Variants in SRRM4 observed in about 807,000 individuals in gnomAD.
SRRM4 encodes serine/arginine repetitive matrix protein 4.
In SRRM4, 33 loss-of-function variants were observed where a neutral mutation model predicts 68.9. That is an observed-to-expected ratio of 0.48 (90% CI 0.36 to 0.64). SRRM4 has a LOEUF of 0.64. Among genes scored for constraint, SRRM4 ranks in the 30% least tolerant of loss-of-function variants. The probability of loss-of-function intolerance (pLI) is 0.00; values close to 1 mark genes in which losing one functional copy is unlikely to be tolerated. For synonymous variants in SRRM4, 318 were observed against 318.8 expected (o/e 1.00, Z 0.03); for missense variants, 817 against 827.1 (o/e 0.99, Z 0.15).
At chr12:119,106,666 C>T (rs1245341130) in intron 2 of SRRM4, among the ~76,000 whole-genome samples, 2 of 145,832 alleles carry the variant, frequency 1.4e-5, no homozygotes, top group Non-Finnish European at 3.0e-5. Flanking sequence ...TTTTGTATCC[C>T]GAGACTTTGC....
chr12:119,123,491 C>T (rs550388094), intron 6 of SRRM4, among the ~76,000 whole-genome samples: 21 of 105,508 alleles, frequency 2.0e-4, no homozygotes, highest in Non-Finnish European at 4.1e-4. Flanking sequence ...CAGACCTCAA[C>T]AGCGCTAGGA....
chr12:119,110,742 G>A (rs1396429844), intron 2 of SRRM4, among the ~76,000 whole-genome samples: 1 of 152,198 alleles, frequency 6.6e-6, no homozygotes, highest in African/African-American at 2.4e-5. Context: ...CCCTTGGCTA[G>A]GAAAGGGAAT....
chr12:119,056,123 T>G (rs1444055249), intron 1 of SRRM4, among the ~76,000 whole-genome samples: 2 of 152,140 alleles, frequency 1.3e-5, no homozygotes, highest in African/African-American at 2.4e-5. Flanking sequence ...TCAGCCTCCC[T>G]CCCACAAGGC....
rs1484760860 is a variant in SRRM4, at chr12:119,154,945, C to T, written c.1532+562C>T. Among the ~76,000 whole-genome samples the T allele has an allele frequency of 6.6e-6, 1 of 152,158 alleles. No individual in the cohort carries two copies. Among genetic ancestry groups the T allele is most frequent in the Non-Finnish European group, 1.5e-5 (1 of 68,026 alleles). On this transcript the variant is annotated intron_variant, in intron 12 of 12. Transcript: ENST00000267260. This position sits in a 1 kb window ranked among gnomAD's most constrained non-coding sequence, Gnocchi z 4.7. ...GCCACGGTGGATAAGCCGGAGAGCA[C>T]TGGATGTGGATTGGAATCCTGAATG...
intron 1 of SRRM4, among the ~76,000 whole-genome samples, chr12:119,082,261 T>TCTGTC (rs1953953353): frequency 1.3e-5 from 2 of 152,238 alleles, no homozygotes; most frequent in South Asian, 4.2e-4. Context: ...CTGTCCAGCC[T>TCTGTC]CTGTCCCTCC....
chr12:119,110,009 G>T (rs1451353957), intron 2 of SRRM4, among the ~76,000 whole-genome samples: 1 of 152,156 alleles, frequency 6.6e-6, no homozygotes. Flanking sequence ...GTTTTGGTGT[G>T]GATGTCCTTT....
At chr12:119,025,116 A>G (rs1324583449) in intron 1 of SRRM4, among the ~76,000 whole-genome samples, 1 of 152,050 alleles carries the variant, frequency 6.6e-6, no homozygotes, top group Non-Finnish European at 1.5e-5. Flanking sequence ...GGTGTGCATT[A>G]GGGTGTGTGT....
intron 7 of SRRM4, among the ~76,000 whole-genome samples, chr12:119,130,033 GTGGT>G (rs1410849239): frequency 1.4e-5 from 2 of 143,928 alleles, no homozygotes; most frequent in Non-Finnish European, 3.0e-5. Context: ...GGTTGGCTGA[GTGGT>G]TGGTTGGTTA....
intron 1 of SRRM4, among the ~76,000 whole-genome samples, chr12:119,084,143 G>A (rs988034193): frequency 6.6e-6 from 1 of 152,184 alleles, no homozygotes; most frequent in Admixed American, 6.5e-5. Flanking sequence ...GCAAGTCTGT[G>A]GCACAGCTGG....
intron 1 of SRRM4, among the ~76,000 whole-genome samples, chr12:119,021,318 C>T (rs1169001389): frequency 1.3e-5 from 2 of 152,018 alleles, no homozygotes; most frequent in Non-Finnish European, 2.9e-5. Context: ...AGAGATGAAA[C>T]CTGTAGTTCA....
rs571408001 is a variant in SRRM4 at position 119,161,613 on chromosome 12, C to T, written c.*4815C>T. On this transcript the variant is annotated 3_prime_UTR_variant, in exon 13 of 13. Coordinates refer to ENST00000267260, the MANE Select transcript of SRRM4 (RefSeq NM_194286.4). Reference sequence around the variant, plus strand: ...AGTAATATTGGGAAAAGAGAAGGACCACCTCTTTCCCTGAATTGCTATTGA... The same window carrying T: ...AGTAATATTGGGAAAAGAGAAGGACTACCTCTTTCCCTGAATTGCTATTGA... 6.6e-6 allele frequency: 1 copy of T among 152,246 alleles called. No individual in the cohort carries two copies. Among genetic ancestry groups the T allele is most frequent in the African/African-American group, 2.4e-5 (1 of 41,378 alleles). The allele number at this position is 152,246 out of a possible 1,614,324, so 9.4% of individuals were successfully genotyped here.
intron 1 of SRRM4, among the ~76,000 whole-genome samples, chr12:119,083,281 C>A (rs1295339331): frequency 1.3e-5 from 2 of 151,982 alleles, no homozygotes; most frequent in Non-Finnish European, 2.9e-5. Context: ...GGTCATGGAG[C>A]ATTTTCATTT....
chr12:119,136,494 G>T (rs1372343938), intron 8 of SRRM4, among the ~76,000 whole-genome samples: 1 of 151,348 alleles, frequency 6.6e-6, no homozygotes, highest in Non-Finnish European at 1.5e-5. Flanking sequence ...GTTTTGTTTT[G>T]TTTAATGGGA....
intron 2 of SRRM4, among the ~76,000 whole-genome samples, chr12:119,105,773 C>T (rs1209644004): frequency 6.6e-6 from 1 of 152,128 alleles, no homozygotes; most frequent in East Asian, 1.9e-4. Context: ...CTGCAGGTTG[C>T]CTGTTCACTC....
chr12:119,088,937 T>C (rs73408072), intron 1 of SRRM4, among the ~76,000 whole-genome samples: 7,280 of 152,274 alleles, frequency 0.048, 375 homozygotes, highest in African/African-American at 0.13. Context: ...GCGTGCATCA[T>C]CTCCAGGAGC....
rs146114563 is a variant in SRRM4, at chr12:119,161,261, A to G, written c.*4463A>G. The stretch of plus-strand genomic sequence containing the variant: ...TTAGCTGAACAGAAAATTTTGTCTC[A>G]GTAAAACGAAGTCAAAAAACAGGAT... On this transcript the variant is annotated 3_prime_UTR_variant, in exon 13 of 13. Coordinates refer to ENST00000267260, the MANE Select transcript of SRRM4 (RefSeq NM_194286.4). 2 of 152,348 alleles carry G rather than the reference A, an allele frequency of 1.3e-5. No homozygotes were observed. Among genetic ancestry groups the G allele is most frequent in the East Asian group, 3.9e-4 (2 of 5,188 alleles). The allele number at this position is 152,348 out of a possible 1,614,324, so 9.4% of individuals were successfully genotyped here. A position where few individuals can be genotyped will look rare whatever the true frequency, so the allele number is the denominator to read the frequency against.
At chr12:119,140,958 C>T (rs1954361488) in intron 8 of SRRM4, among the ~76,000 whole-genome samples, 1 of 152,146 alleles carries the variant, frequency 6.6e-6, no homozygotes, top group African/African-American at 2.4e-5. Context: ...TTCAAAGTAA[C>T]TAGAAGAGAA....
chr12:119,077,847 C>T (rs2136029743), intron 1 of SRRM4, among the ~76,000 whole-genome samples: 1 of 152,210 alleles, frequency 6.6e-6, no homozygotes, highest in South Asian at 2.1e-4. Flanking sequence ...AAACTACAGA[C>T]AATAAGAGTG....
intron 1 of SRRM4, among the ~76,000 whole-genome samples, chr12:119,043,096 G>A (rs1953680148): frequency 6.6e-6 from 1 of 152,168 alleles, no homozygotes; most frequent in Non-Finnish European, 1.5e-5. Flanking sequence ...GCATGTGTAT[G>A]TTCATTGCAG....
Sources: allele counts gnomAD v4.1 joint callset (sites outside exome capture counted in the v4.1 genomes callset), GRCh38; gene constraint gnomAD v4.1.1; non-coding constraint Gnocchi (gnomAD v3.1); transcripts MANE v1.5; gene names NCBI Gene and HGNC (gene_info 2026-07-23, HGNC 2026-07-21).